MORN3: variants seen among roughly 807,000 people sequenced by gnomAD.
MORN3 encodes the protein MORN repeat-containing protein 3.
MORN3 carries 38 observed loss-of-function variants against 34.7 expected under a neutral mutation model. That is an observed-to-expected ratio of 1.10 (90% CI 0.85 to 1.44). The LOEUF is 1.44. Ranked by LOEUF, MORN3 falls within the 40% of genes most tolerant of loss-of-function variation. The pLI, the probability that MORN3 is intolerant of heterozygous loss-of-function variation, is 0.00. For missense variants in MORN3, 311 were observed against 321.7 expected (o/e 0.97, Z 0.25); for synonymous variants, 109 against 115.3 (o/e 0.95, Z 0.35).
chr12:121,652,840 G>A (rs949956406), intron 4 of MORN3, 32 bp from the exon 5 acceptor site: 3 of 1,610,658 alleles, frequency 1.9e-6, no homozygotes, highest in South Asian at 1.1e-5. Context: ...TTGGTTTGGA[G>A]AGCATGGAGG....
rs781972223 is a variant in MORN3 at position 121,653,132 on chromosome 12, CGTCCCGCATTT to C, written c.580_590del (p.Lys194AspfsTer7). On this transcript the variant is annotated frameshift_variant, in exon 4 of 6. Transcript: ENST00000355329. LOFTEE classifies it high-confidence loss of function. ...CCTCGTCACGGCCAAAGTCGATCAT[CGTCCCGCATTT>C]GGCCATATTGTCCACCCAGAAGCCT... 6.2e-7 allele frequency: 1 copy of C among 1,614,130 alleles called. No homozygotes were observed. The highest frequency in any genetic ancestry group is 8.5e-7 in the Non-Finnish European group (1 of 1,180,032).
At chr12:121,664,708 C>T (rs1255093785) in intron 1 of MORN3, among the ~76,000 whole-genome samples, 1 of 151,992 alleles carries the variant, frequency 6.6e-6, no homozygotes, top group Non-Finnish European at 1.5e-5. Flanking sequence ...CTAGCCAATA[C>T]ATTGATTGGC....
intron 2 of MORN3, among the ~76,000 whole-genome samples, chr12:121,656,678 A>AT (rs1464659462): frequency 3.3e-5 from 5 of 151,502 alleles, no homozygotes; most frequent in Admixed American, 2.0e-4. Flanking sequence ...TGCCCGGCTA[A>AT]TTTTTTTTGT....
At chr12:121,658,841 G>C (rs1354261760) in intron 2 of MORN3, among the ~76,000 whole-genome samples, 2 of 152,018 alleles carry the variant, frequency 1.3e-5, no homozygotes, top group African/African-American at 4.8e-5. Context: ...AGGCCCAGCA[G>C]AAAGGGGATT....
upstream of MORN3, among the ~76,000 whole-genome samples, chr12:121,672,082 C>G (rs1369423364): frequency 6.6e-6 from 1 of 152,120 alleles, no homozygotes; most frequent in African/African-American, 2.4e-5. Flanking sequence ...AACATAGGTT[C>G]TACTCCGGAG....
Position 121,666,929 on chromosome 12 carries a change from CCTT to C in MORN3, c.145+2407_145+2409del, listed in dbSNP as rs770638526. ...ACAGGGTCCTATATGATCTGACTAC[CCTT>C]CTTCTTTAACCCACAACCTCTTTTT... On this transcript the variant is annotated intron_variant, in intron 1 of 5. Transcript: ENST00000355329. Among the ~76,000 whole-genome samples, 6 of 151,614 alleles carry C rather than the reference CCTT, an allele frequency of 4.0e-5. No individual in the cohort carries two copies. In the South Asian group the frequency reaches 8.4e-4, roughly 21 times the overall value.
At chr12:121,654,191 C>G in intron 3 of MORN3, 83 bp downstream of exon 3, 1 of 1,198,436 alleles carries the variant, frequency 8.3e-7, no homozygotes, top group Non-Finnish European at 1.2e-6. Flanking sequence ...TGTGGCCTGT[C>G]TCTGTGGGAC....
At chr12:121,672,394 G>A (rs1183780458), upstream of MORN3, among the ~76,000 whole-genome samples, 1 of 152,136 alleles carries the variant, frequency 6.6e-6, no homozygotes, top group Non-Finnish European at 1.5e-5. Flanking sequence ...TAGGAGGTCG[G>A]GACTGCAGTG....
At chr12:121,665,027 GA>G (rs2136881709) in intron 1 of MORN3, among the ~76,000 whole-genome samples, 1 of 152,006 alleles carries the variant, frequency 6.6e-6, no homozygotes, top group African/African-American at 2.4e-5. Context: ...AGTCCATTTT[GA>G]AAAATCTCAT....
chr12:121,652,933 A>AGG, intron 4 of MORN3, 125 bp from the exon 5 acceptor site: 1 of 1,422,518 alleles, frequency 7.0e-7, no homozygotes, highest in Non-Finnish European at 9.7e-7. Flanking sequence ...CTTGCTAGGG[A>AGG]TGCCCTGACT....
chr12:121,654,194 T>C (rs1893334597), intron 3 of MORN3, 80 bp downstream of exon 3: 8 of 1,224,098 alleles, frequency 6.5e-6, no homozygotes, highest in Non-Finnish European at 8.9e-6. Context: ...GGCCTGTCTC[T>C]GTGGGACCAA....
chr12:121,655,966 C>G lies in MORN3; in HGVS notation c.304-1533G>C, dbSNP rs568178811. On this transcript the variant is annotated intron_variant, in intron 2 of 5. Transcript: ENST00000355329. ...GAAGGCCGTGAACCAGGAGGCGGAG[C>G]TTGCAGTGAGCCAAGATCGCGCCAC... Among the ~76,000 whole-genome samples the G allele has an allele frequency of 3.3e-5, 5 of 151,804 alleles. No individual in the cohort carries two copies. In the East Asian group the frequency reaches 7.8e-4, roughly 24 times the overall value.
rs1044057807 is a variant in MORN3, at chr12:121,654,134, C to A, written c.463+140G>T. ...GGGAGAGATAGGGTGCTCTTCCTCT[C>A]TTGTCCCACATTGACACAAGGGTCA... On this transcript the variant is annotated intron_variant, in intron 3 of 5. Transcript: ENST00000355329. 12 of 653,972 alleles carry A rather than the reference C, an allele frequency of 1.8e-5. No homozygotes were observed. In the African/African-American group the frequency reaches 2.2e-4, roughly 12 times the overall value. The allele number at this position is 653,972 out of a possible 1,614,324, so 40.5% of individuals were successfully genotyped here.
chr12:121,666,870 C>G (rs556583069), intron 1 of MORN3, among the ~76,000 whole-genome samples: 1 of 151,610 alleles, frequency 6.6e-6, no homozygotes, highest in Non-Finnish European at 1.5e-5. Context: ...CTCCCTGTGT[C>G]ACAGAGTCAA....
upstream of MORN3, among the ~76,000 whole-genome samples, chr12:121,671,025 C>A (rs1434527981): frequency 8.0e-6 from 1 of 125,502 alleles, no homozygotes; most frequent in African/African-American, 3.0e-5. Flanking sequence ...GCAGGAGAAT[C>A]GCTTGAACCA....
At chr12:121,660,914 C>T (rs1349298719) in intron 1 of MORN3, among the ~76,000 whole-genome samples, 1 of 152,052 alleles carries the variant, frequency 6.6e-6, no homozygotes, top group Non-Finnish European at 1.5e-5. Flanking sequence ...GGTGATCTGT[C>T]CGCCTCGGCT....
chr12:121,672,129 A>T (rs189249191), upstream of MORN3, among the ~76,000 whole-genome samples: 466 of 152,200 alleles, frequency 3.1e-3, 17 homozygotes, highest in Admixed American at 0.028. Flanking sequence ...GTTGACAGGA[A>T]ATGAAAGTCG....
At position 121,651,345 on chromosome 12, in the gene MORN3, G is replaced by A. The variant is rs1250261312; in HGVS notation, c.*306C>T. On this transcript the variant is annotated 3_prime_UTR_variant, in exon 6 of 6. Coordinates refer to ENST00000355329, the MANE Select transcript of MORN3 (RefSeq NM_173855.5). ...CTCTTCTAAACCTGAAAGCCCTGCT[G>A]AGCCCCCTCGAGTGCCCCATCCTTA... is the stretch of plus-strand genomic sequence containing the variant. 18 of 152,224 alleles carry A rather than the reference G, an allele frequency of 1.2e-4. No homozygotes were observed. 9.4% of individuals were successfully genotyped at this position (152,224 alleles called of 1,614,324 possible). A position where few individuals can be genotyped will look rare whatever the true frequency, so the allele number is the denominator to read the frequency against.
upstream of MORN3, among the ~76,000 whole-genome samples, chr12:121,672,341 T>A (rs536716282): frequency 3.3e-5 from 5 of 151,260 alleles, no homozygotes; most frequent in East Asian, 7.7e-4. Flanking sequence ...AGGCCTGTAG[T>A]CCCAGCTGCG....
Sources: allele counts gnomAD v4.1 joint callset (sites outside exome capture counted in the v4.1 genomes callset), GRCh38; gene constraint gnomAD v4.1.1; transcripts MANE v1.5; gene names NCBI Gene and HGNC (gene_info 2026-07-23, HGNC 2026-07-21).